Variants in MKLN1 observed in about 807,000 individuals in gnomAD.
MKLN1 encodes muskelin.
In MKLN1, 18 loss-of-function variants were observed where a neutral mutation model predicts 99.0. The ratio of observed to expected loss-of-function variants is 0.18; its 90% CI spans 0.13 to 0.27. The LOEUF is 0.27. MKLN1 is among the 10% of genes least tolerant of loss of function. MKLN1 has a pLI of 1.00. For missense variants in MKLN1, 621 were observed against 875.9 expected (o/e 0.71, Z 3.67); for synonymous variants, 288 against 293.2 (o/e 0.98, Z 0.18).
chr7:131,466,923 A>ACGCG (rs58111500), intron 15 of MKLN1, among the ~76,000 whole-genome samples: 10 of 150,550 alleles, frequency 6.6e-5, no homozygotes, highest in African/African-American at 2.0e-4. Context: ...ACACACACAC[A>ACGCG]CGCGCGCGCG....
intron 1 of MKLN1, among the ~76,000 whole-genome samples, chr7:131,137,613 T>G (rs1795668049): frequency 6.6e-6 from 1 of 152,196 alleles, no homozygotes. Context: ...CTTGCTCTGT[T>G]GCTGAGGCTA....
intron 6 of MKLN1, among the ~76,000 whole-genome samples, chr7:131,404,150 T>C (rs919755187): frequency 6.6e-6 from 1 of 152,214 alleles, no homozygotes; most frequent in African/African-American, 2.4e-5. Flanking sequence ...ATGTAAGATA[T>C]TGGTCTGCAG....
chr7:131,283,327 CTCCT>C (rs1798080670), intron 3 of MKLN1, among the ~76,000 whole-genome samples: 1 of 82,784 alleles, frequency 1.2e-5, no homozygotes, highest in African/African-American at 6.7e-5. Flanking sequence ...CCCTCCCTCC[CTCCT>C]TCCCTTCCCT....
chr7:131,244,069 C>T (rs10245094), intron 3 of MKLN1, among the ~76,000 whole-genome samples: 124,886 of 152,034 alleles, frequency 0.82, 51,549 homozygotes, highest in East Asian at 0.96. Context: ...AAATGTAAAA[C>T]ACTAAAGAAA....
chr7:131,451,427 G>C (rs1235852213), intron 12 of MKLN1, among the ~76,000 whole-genome samples: 2 of 151,422 alleles, frequency 1.3e-5, no homozygotes, highest in Non-Finnish European at 1.5e-5. Flanking sequence ...TTGAACTATT[G>C]AGATCACCGA....
intron 3 of MKLN1, among the ~76,000 whole-genome samples, chr7:131,292,313 T>A (rs1245533373): frequency 6.6e-6 from 1 of 152,164 alleles, no homozygotes; most frequent in Non-Finnish European, 1.5e-5. Flanking sequence ...GAGAAAATGA[T>A]GATGCTTAAG....
chr7:131,278,950 T>C (rs1300934051), intron 3 of MKLN1, among the ~76,000 whole-genome samples: 1 of 152,212 alleles, frequency 6.6e-6, no homozygotes, highest in African/African-American at 2.4e-5. Flanking sequence ...ACCAATCCTC[T>C]GGACTAAATG....
chr7:131,447,208 A>G (rs757326970), intron 12 of MKLN1, among the ~76,000 whole-genome samples: 26 of 152,356 alleles, frequency 1.7e-4, no homozygotes, highest in Middle Eastern at 3.4e-3. Context: ...ACAACAGGAA[A>G]TTAGTAGGTA....
chr7:131,353,994 T>C (rs1293716049), intron 1 of MKLN1, among the ~76,000 whole-genome samples: 1 of 151,716 alleles, frequency 6.6e-6, no homozygotes. Context: ...TGTCTGTCCA[T>C]CTGCTAGTAT....
intron 7 of MKLN1, among the ~76,000 whole-genome samples, chr7:131,411,837 G>A (rs995529261): frequency 6.8e-6 from 1 of 147,200 alleles, no homozygotes; most frequent in Non-Finnish European, 1.5e-5. Context: ...AACCTGTGAG[G>A]CAGAGGTTGC....
chr7:131,452,038 ATTTAC>A (rs1262097363), intron 12 of MKLN1, among the ~76,000 whole-genome samples: 2 of 152,078 alleles, frequency 1.3e-5, no homozygotes, highest in Non-Finnish European at 2.9e-5. Context: ...GTAGTTATGT[ATTTAC>A]TTGTTTTGAT....
At chr7:131,318,666 G>A (rs1798714882) in intron 3 of MKLN1, among the ~76,000 whole-genome samples, 1 of 152,070 alleles carries the variant, frequency 6.6e-6, no homozygotes, top group African/African-American at 2.4e-5. Context: ...GAATCCAGAG[G>A]TAGTTTTTTT....
chr7:131,416,918 G>A (rs1795033015), intron 8 of MKLN1, among the ~76,000 whole-genome samples: 1 of 145,606 alleles, frequency 6.9e-6, no homozygotes, highest in East Asian at 2.1e-4. Context: ...AGGATTGGAG[G>A]CTACAGTGAG....
intron 3 of MKLN1, among the ~76,000 whole-genome samples, chr7:131,270,935 ATTCT>A (rs766519956): frequency 1.6e-4 from 24 of 150,986 alleles, no homozygotes; most frequent in Non-Finnish European, 3.1e-4. Context: ...TCATTCATTG[ATTCT>A]TTCATTTGCT....
chr7:131,390,675 A>AT lies in MKLN1; in HGVS notation c.400+1710dup, dbSNP rs894356104. 1.3e-4 allele frequency among the ~76,000 whole-genome samples: 20 copies of AT among 152,058 alleles called. 1 individual carries two copies. The highest frequency in any genetic ancestry group is 7.7e-4 in the East Asian group (4 of 5,182). ...ATATCCCTCACCTCACATACTTAAC[A>AT]TTTTTTTATGGTGAGAACATTTAAG... On this transcript the variant is annotated intron_variant, in intron 4 of 17. Coordinates refer to ENST00000352689, the MANE Select transcript of MKLN1 (RefSeq NM_013255.5).
intron 2 of MKLN1, among the ~76,000 whole-genome samples, chr7:131,191,001 ACT>A (rs1436420096): frequency 9.9e-5 from 15 of 152,024 alleles, no homozygotes; most frequent in Admixed American, 9.2e-4. Context: ...GAGGACCGAG[ACT>A]CTCTGCTCCC....
At position 131,192,208 on chromosome 7, in the gene MKLN1, TATAAATATATAAA is replaced by T. The variant is rs1237221291; in HGVS notation, c.-296-10645_-296-10633del. On this transcript the variant is annotated intron_variant, in intron 2 of 7. Coordinates refer to the MKLN1 transcript ENST00000416992. ...TATATAAAATATAATATATACAATA[TATAAATATATAAA>T]ATATATACAATATATAAATATATAA... Among the ~76,000 whole-genome samples the T allele has an allele frequency of 7.6e-4, 52 of 68,482 alleles. 3 individuals are homozygous for T. Among genetic ancestry groups the T allele is most frequent in the Admixed American group, 2.4e-3 (11 of 4,602 alleles). The allele number at this position is 68,482 out of a possible 152,430, so 44.9% of individuals were successfully genotyped here. A position where few individuals can be genotyped will look rare whatever the true frequency, so the allele number is the denominator to read the frequency against.
intron 2 of MKLN1, among the ~76,000 whole-genome samples, chr7:131,166,467 C>T (rs79385674): frequency 7.2e-6 from 1 of 139,222 alleles, no homozygotes; most frequent in African/African-American, 2.6e-5. Flanking sequence ...CTGATAAAGC[C>T]TTCAATGGCC....
chr7:131,136,656 G>A (rs1166661399), intron 1 of MKLN1, among the ~76,000 whole-genome samples: 20 of 152,106 alleles, frequency 1.3e-4, no homozygotes, highest in Non-Finnish European at 2.9e-4. Flanking sequence ...GGATGTCCAG[G>A]GCCCAGACTG....
Sources: gnomAD v4.1 joint callset for allele counts (sites outside exome capture counted in the v4.1 genomes callset) on GRCh38, gnomAD v4.1.1 for gene constraint, MANE v1.5 for transcripts, NCBI Gene and HGNC (gene_info 2026-07-23, HGNC 2026-07-21) for gene names.